Variants in HTT observed in about 807,000 individuals in gnomAD.
HTT encodes the protein huntingtin.
Under a neutral mutation model 362.3 loss-of-function variants are expected in HTT, and 104 were observed. That is an observed-to-expected ratio of 0.29 (90% CI 0.24 to 0.34). The LOEUF (loss-of-function observed/expected upper bound fraction) is 0.34, where lower values mean the gene tolerates loss of function less well. Among genes scored for constraint, HTT ranks in the 10% least tolerant of loss-of-function variants. HTT has a pLI of 1.00. For missense variants in HTT, 3,301 were observed against 3,928.6 expected, an observed-to-expected ratio of 0.84 and a Z score of 4.27; for synonymous variants, 1,577 against 1,548.7, an observed-to-expected ratio of 1.02 and a Z score of -0.43.
At chr4:3,156,253 G>T (rs1194992353) in intron 27 of HTT, among the ~76,000 whole-genome samples, 6 of 152,136 alleles carry the variant, frequency 3.9e-5, no homozygotes, top group Admixed American at 2.0e-4. Flanking sequence ...CTGAGTAGCT[G>T]GGATTACAGG....
intron 3 of HTT, among the ~76,000 whole-genome samples, chr4:3,100,962 C>T (rs113694220): frequency 0.067 from 10,157 of 152,246 alleles, 474 homozygotes; most frequent in African/African-American, 0.13. Context: ...CGCCTGGGCT[C>T]AAGTGATCCT....
chr4:3,133,996 A>C (rs1053026051), intron 18 of HTT, among the ~76,000 whole-genome samples: 1 of 152,032 alleles, frequency 6.6e-6, no homozygotes, highest in African/African-American at 2.4e-5. Context: ...CGTGCTGTGG[A>C]GTACATAGTG....
intron 41 of HTT, among the ~76,000 whole-genome samples, chr4:3,202,133 A>G (rs1719608634): frequency 6.6e-6 from 1 of 152,142 alleles, no homozygotes; most frequent in African/African-American, 2.4e-5. Flanking sequence ...GTGAACTGTT[A>G]GAGTCCTGCC....
At position 3,224,094 on chromosome 4, in the gene HTT, A is replaced by T; in HGVS notation, c.7728A>T (p.Ala2576=). The T allele has an allele frequency of 1.2e-6, 2 of 1,614,142 alleles. No individual in the cohort carries two copies. Among genetic ancestry groups the T allele is most frequent in the Non-Finnish European group, 8.5e-7 (1 of 1,179,994 alleles). Reference sequence around the variant, plus strand: ...TTGCCACCCATCATTTATATCAGGCATGGGATCCTGTCCCTTCTCTGTCTC... The same window carrying T: ...TTGCCACCCATCATTTATATCAGGCTTGGGATCCTGTCCCTTCTCTGTCTC... The part of the protein sequence containing the change: ...ENIATHHLYQ[A]WDPVPSLSPA... The change falls in exon 56 of 67, where the codon GCA becomes GCT. Residue 2576 remains alanine, a synonymous_variant. Coordinates refer to ENST00000355072, the MANE Select transcript of HTT (RefSeq NM_001388492.1).
chr4:3,174,367 T>C (rs1718132986), intron 31 of HTT, among the ~76,000 whole-genome samples: 2 of 152,372 alleles, frequency 1.3e-5, no homozygotes, highest in Admixed American at 6.5e-5. Flanking sequence ...AAAAAAATCA[T>C]GTAATTTCTT....
intron 29 of HTT, among the ~76,000 whole-genome samples, chr4:3,162,536 A>G (rs916021406): frequency 2.0e-5 from 3 of 152,212 alleles, no homozygotes; most frequent in African/African-American, 7.2e-5. Context: ...TTTTCACGAT[A>G]TTGATTCGTC....
At chr4:3,220,145 C>CCTGAA in intron 52 of HTT, 37 bp from the exon 53 acceptor site, 1 of 1,612,816 alleles carries the variant, frequency 6.2e-7, no homozygotes, top group Non-Finnish European at 8.5e-7. Flanking sequence ...TGTCCTGACT[C>CCTGAA]AACTCGGATG....
chr4:3,136,367 A>G, intron 21 of HTT, 41 bp downstream of exon 21: 1 of 1,065,880 alleles, frequency 9.4e-7, no homozygotes, highest in South Asian at 1.3e-5. Flanking sequence ...TTTTGGTTGA[A>G]GTACTAAAAG....
At chr4:3,215,740 G>A (rs1720366742) in intron 51 of HTT, among the ~76,000 whole-genome samples, 1 of 152,034 alleles carries the variant, frequency 6.6e-6, no homozygotes, top group Non-Finnish European at 1.5e-5. Context: ...AAATCCCAGT[G>A]ATTTAAGCCA....
intron 59 of HTT, among the ~76,000 whole-genome samples, chr4:3,229,312 ACACACACAC>A (rs1427807590): frequency 4.6e-5 from 6 of 130,014 alleles, no homozygotes; most frequent in Admixed American, 1.5e-4. Context: ...CCACACACAC[ACACACACAC>A]CACACACACC....
At chr4:3,143,252 C>T (rs1167465284) in intron 23 of HTT, among the ~76,000 whole-genome samples, 1 of 151,908 alleles carries the variant, frequency 6.6e-6, no homozygotes, top group Non-Finnish European at 1.5e-5. Flanking sequence ...GCCTGGCCAA[C>T]GTGGTGAAAC....
rs773939943 is a variant in HTT, at chr4:3,212,020, G to A, written c.6506G>A (p.Arg2169His). The A allele has an allele frequency of 5.4e-5, 87 of 1,614,066 alleles. No individual in the cohort carries two copies. Among genetic ancestry groups the A allele is most frequent in the East Asian group, 1.6e-4 (7 of 44,902 alleles). Residue 2169 changes from arginine to histidine, a missense_variant, in exon 48 of 67, where the codon CGT becomes CAT. Arg to His is a conservative substitution (Grantham distance 29). Coordinates refer to ENST00000355072, the MANE Select transcript of HTT (RefSeq NM_001388492.1). ...GQKSALFEAA[R>H]EVTLARVSGT... ...AAGAGTGCCCTTTTTGAAGCAGCCC[G>A]TGAGGTGACTCTGGCCCGTGTGAGC... is the stretch of plus-strand genomic sequence containing the variant.
chr4:3,081,168 A>G (rs920924392), intron 1 of HTT, among the ~76,000 whole-genome samples: 7 of 152,222 alleles, frequency 4.6e-5, no homozygotes, highest in African/African-American at 1.4e-4. Context: ...CTGTAGATCA[A>G]CTTGGGGAGT....
rs59292988 is a variant in HTT, at chr4:3,240,195, T to A, written c.*136T>A. On this transcript the variant is annotated 3_prime_UTR_variant, in exon 67 of 67. Transcript: ENST00000355072. ...ACATGCCGCGGGCGGCCAGGCAACG[T>A]GCGTGTCTCTGCCATGTGGCAGAAG... 3,278 of 673,652 alleles carry A rather than the reference T, an allele frequency of 4.9e-3. 66 individuals carry two copies. In the African/African-American group the frequency reaches 0.052, roughly 11 times the overall value. 41.7% of individuals were successfully genotyped at this position (673,652 alleles called of 1,614,324 possible). A position where few individuals can be genotyped will look rare whatever the true frequency, so the allele number is the denominator to read the frequency against.
chr4:3,219,956 G>T (rs576818800), intron 52 of HTT, among the ~76,000 whole-genome samples: 1 of 152,182 alleles, frequency 6.6e-6, no homozygotes, highest in Admixed American at 6.5e-5. Context: ...CTCAGGATGA[G>T]GACAGGAAGT....
intron 39 of HTT, 115 bp downstream of exon 39, chr4:3,188,001 A>G (rs1364790422): frequency 1.5e-6 from 1 of 651,444 alleles, no homozygotes; most frequent in South Asian, 1.9e-5. Flanking sequence ...TGAGTTGGGT[A>G]AAGAAGTCTG....
In HTT at chr4:3,220,184, G is replaced by A. The variant is rs767418451; in HGVS notation, c.7245G>A (p.Val2415=). 5.0e-6 allele frequency: 8 copies of A among 1,614,182 alleles called. No individual in the cohort carries two copies. The highest frequency in any genetic ancestry group is 1.6e-4 in the Middle Eastern group (1 of 6,062). ...VNSYTRVPPL[V]WKLGWSPKPG... ...TCACTTCCTTTTCATCTTCTCAGGT[G>A]TGGAAGCTTGGATGGTCACCCAAAC... The change falls in exon 53 of 67, where the codon GTG becomes GTA. Residue 2415 remains valine, a splice_region_variant and synonymous_variant. Transcript: ENST00000355072.
In HTT at chr4:3,140,567, C is replaced by A. The variant is rs376025717; in HGVS notation, c.2856C>A (p.Ala952=). 8.1e-6 allele frequency: 13 copies of A among 1,613,922 alleles called. No individual in the cohort carries two copies. Among genetic ancestry groups the A allele is most frequent in the Non-Finnish European group, 1.1e-5 (13 of 1,179,826 alleles). The change falls in exon 22 of 67, where the codon GCC becomes GCA. Residue 952 remains alanine (A), a synonymous_variant. Coordinates refer to ENST00000355072, the MANE Select transcript of HTT (RefSeq NM_001388492.1). ...AAGGACAAGCTGATCCAGTAGTGGCCGTGGCAAGAGATCAAAGCAGTGTTT... is the reference window on the plus strand; with the variant it reads ...AAGGACAAGCTGATCCAGTAGTGGCAGTGGCAAGAGATCAAAGCAGTGTTT... ...CDQGQADPVV[A]VARDQSSVYL...
intron 1 of HTT, among the ~76,000 whole-genome samples, chr4:3,083,545 AC>A (rs1713032420): frequency 8.2e-6 from 1 of 122,660 alleles, no homozygotes; most frequent in African/African-American, 4.0e-5. Context: ...ACACACACAC[AC>A]ACACACACAC....
Sources: allele counts gnomAD v4.1 joint callset (sites outside exome capture counted in the v4.1 genomes callset), GRCh38; gene constraint gnomAD v4.1.1; transcripts MANE v1.5; gene names NCBI Gene and HGNC (gene_info 2026-07-23, HGNC 2026-07-21).